DYNC1I1: variants seen among roughly 807,000 people sequenced by gnomAD.
DYNC1I1 encodes the protein cytoplasmic dynein 1 intermediate chain 1.
DYNC1I1 carries 43 observed loss-of-function variants against 86.6 expected under a neutral mutation model. The observed-to-expected ratio is 0.50, with a 90% CI of 0.39 to 0.64. DYNC1I1 has a LOEUF of 0.64. Among genes scored for constraint, DYNC1I1 ranks in the 30% least tolerant of loss-of-function variants. The pLI is 0.00. For synonymous variants in DYNC1I1, 262 were observed against 283.7 expected (o/e 0.92, Z 0.77); for missense variants, 604 against 788.8 (o/e 0.77, Z 2.81).
intron 1 of DYNC1I1, among the ~76,000 whole-genome samples, chr7:95,792,289 A>G (rs1358125104): frequency 6.6e-6 from 1 of 152,186 alleles, no homozygotes; most frequent in Non-Finnish European, 1.5e-5. Flanking sequence ...GGATTTAGAC[A>G]TGGTACCCCA....
At chr7:95,981,518 A>G (rs1429959823) in intron 7 of DYNC1I1, among the ~76,000 whole-genome samples, 1 of 152,086 alleles carries the variant, frequency 6.6e-6, no homozygotes, top group Middle Eastern at 3.2e-3. Flanking sequence ...TCTTTCATAC[A>G]TGTTATTCAA....
At chr7:95,989,731 T>C (rs1359124585) in intron 9 of DYNC1I1, among the ~76,000 whole-genome samples, 2 of 152,196 alleles carry the variant, frequency 1.3e-5, no homozygotes, top group Admixed American at 6.5e-5. Context: ...AGAGACCACA[T>C]TTATTTTCCC....
chr7:95,945,578 TA>T (rs903640348), intron 6 of DYNC1I1, among the ~76,000 whole-genome samples: 4 of 152,134 alleles, frequency 2.6e-5, no homozygotes, highest in Admixed American at 1.3e-4. Context: ...CCTTTGTTTA[TA>T]AAAAAAAGTG....
chr7:95,913,647 A>G (rs1415590714), intron 6 of DYNC1I1, among the ~76,000 whole-genome samples: 1 of 152,014 alleles, frequency 6.6e-6, no homozygotes, highest in Non-Finnish European at 1.5e-5. Context: ...AGTCCATTAA[A>G]CCTCTTACCT....
Position 96,013,467 on chromosome 7 carries a change from T to C in DYNC1I1, c.970-14708T>C, listed in dbSNP as rs866965160. Among the ~76,000 whole-genome samples the C allele has an allele frequency of 7.9e-5, 12 of 152,258 alleles. No individual in the cohort carries two copies. The Middle Eastern group carries it at 0.014, about 173-fold the overall frequency. On this transcript the variant is annotated intron_variant, in intron 10 of 16. Transcript: ENST00000447467. The stretch of plus-strand genomic sequence containing the variant: ...AATTTGTTTTTGTTTTGTTTTGTTT[T>C]GTTTTGTTTGAGACAGGGTCTTACT...
intron 14 of DYNC1I1, among the ~76,000 whole-genome samples, chr7:96,067,519 A>C (rs1790029903): frequency 6.6e-6 from 1 of 151,478 alleles, no homozygotes; most frequent in African/African-American, 2.4e-5. Context: ...AAACCACAAG[A>C]ATGTAATCAT....
intron 10 of DYNC1I1, among the ~76,000 whole-genome samples, chr7:96,018,025 T>C (rs1006636174): frequency 2.6e-5 from 4 of 152,164 alleles, no homozygotes; most frequent in African/African-American, 9.6e-5. Context: ...AACTCTGTTA[T>C]CACCTGTCGC....
At chr7:95,855,600 C>CT (rs1358617677) in intron 5 of DYNC1I1, among the ~76,000 whole-genome samples, 2 of 152,164 alleles carry the variant, frequency 1.3e-5, no homozygotes, top group Non-Finnish European at 2.9e-5. Context: ...ATAGAATGTA[C>CT]TTACACAAGC....
intron 6 of DYNC1I1, among the ~76,000 whole-genome samples, chr7:95,902,151 T>G (rs1407126068): frequency 6.6e-6 from 1 of 152,176 alleles, no homozygotes; most frequent in African/African-American, 2.4e-5. Context: ...GCTGTCTTTT[T>G]CCTTTCCCAA....
intron 6 of DYNC1I1, among the ~76,000 whole-genome samples, chr7:95,954,167 A>C (rs534503722): frequency 8.1e-4 from 123 of 151,968 alleles, no homozygotes; most frequent in African/African-American, 2.9e-3. Context: ...TGTCATTCTC[A>C]AAACAGGCAA....
chr7:95,901,870 A>G (rs1040040758), intron 6 of DYNC1I1, among the ~76,000 whole-genome samples: 11 of 152,194 alleles, frequency 7.2e-5, no homozygotes, highest in Admixed American at 2.0e-4. Context: ...AACAGAAATC[A>G]CTGCTTTTTA....
intron 14 of DYNC1I1, among the ~76,000 whole-genome samples, chr7:96,070,103 G>A (rs927917004): frequency 2.0e-5 from 3 of 152,134 alleles, no homozygotes; most frequent in African/African-American, 7.2e-5. Flanking sequence ...CATAAGTATT[G>A]TTTGAATATT....
Position 96,072,427 on chromosome 7 carries a change from G to T in DYNC1I1, c.1510-3630G>T, listed in dbSNP as rs557898160. Among the ~76,000 whole-genome samples the T allele has an allele frequency of 4.7e-3, 705 of 151,538 alleles. 8 individuals are homozygous for T. Among genetic ancestry groups the T allele is most frequent in the African/African-American group, 0.016 (651 of 41,308 alleles). ...TAGAAAAGGAAACACAGGTGAAGGG[G>T]TTTTTTTTTCTAGTGAAATTTGATT... On this transcript the variant is annotated intron_variant, in intron 14 of 16. Coordinates refer to ENST00000447467, the MANE Select transcript of DYNC1I1 (RefSeq NM_001135556.2).
intron 10 of DYNC1I1, among the ~76,000 whole-genome samples, chr7:96,015,777 C>T (rs962809923): frequency 5.9e-5 from 9 of 152,060 alleles, no homozygotes; most frequent in East Asian, 1.9e-4. Context: ...TCAGACTCTT[C>T]GGTGGACACG....
At chr7:95,812,075 T>C (rs561454794) in intron 3 of DYNC1I1, among the ~76,000 whole-genome samples, 156 of 152,290 alleles carry the variant, frequency 1.0e-3, no homozygotes, top group African/African-American at 3.6e-3. Flanking sequence ...ACTTACCCTC[T>C]GAGCTTACTC....
At chr7:96,013,714 CT>C (rs889160910) in intron 10 of DYNC1I1, among the ~76,000 whole-genome samples, 27 of 152,188 alleles carry the variant, frequency 1.8e-4, no homozygotes, top group African/African-American at 6.3e-4. Context: ...TGGCCTTGGC[CT>C]CCCAAAGTGC....
At chr7:95,806,862 C>A (rs941669031) in intron 2 of DYNC1I1, among the ~76,000 whole-genome samples, 1 of 152,136 alleles carries the variant, frequency 6.6e-6, no homozygotes, top group Non-Finnish European at 1.5e-5. Flanking sequence ...TTCTGAGCAG[C>A]CAAGGCTGTA....
At chr7:96,051,442 G>C (rs1789402285) in intron 14 of DYNC1I1, among the ~76,000 whole-genome samples, 1 of 152,144 alleles carries the variant, frequency 6.6e-6, no homozygotes, top group African/African-American at 2.4e-5. Context: ...TTTGTATTTG[G>C]TGTGGATTTT....
intron 1 of DYNC1I1, among the ~76,000 whole-genome samples, chr7:95,781,141 C>G (rs1196808289): frequency 6.6e-6 from 1 of 152,160 alleles, no homozygotes; most frequent in African/African-American, 2.4e-5. Flanking sequence ...AAATGAGAAT[C>G]TATTTGGGTA....
Sources: allele counts gnomAD v4.1 joint callset (sites outside exome capture counted in the v4.1 genomes callset), GRCh38; gene constraint gnomAD v4.1.1; transcripts MANE v1.5; gene names NCBI Gene and HGNC (gene_info 2026-07-23, HGNC 2026-07-21).